WIF1: variants seen among roughly 807,000 people sequenced by gnomAD.
The protein encoded by WIF1 is Wnt inhibitory factor 1.
A neutral mutation model predicts 53.5 loss-of-function variants in WIF1; 35 were observed. The ratio of observed to expected loss-of-function variants is 0.65; its 90% CI spans 0.50 to 0.87. WIF1 has a LOEUF of 0.87. Among genes scored for constraint, WIF1 ranks in the 40% least tolerant of loss-of-function variants. WIF1 has a pLI of 0.00. For synonymous variants in WIF1, 171 were observed against 170.4 expected, an observed-to-expected ratio of 1.00 and a Z score of -0.03; for missense variants, 467 against 476.8, an observed-to-expected ratio of 0.98 and a Z score of 0.19.
At chr12:65,120,336 C>A in intron 2 of WIF1, 81 bp downstream of exon 2, 1 of 1,348,450 alleles carries the variant, frequency 7.4e-7, no homozygotes, top group East Asian at 2.5e-5. Flanking sequence ...GTAAAATGTA[C>A]CAGGCTACAC....
chr12:65,108,853 A>C (rs986135724), intron 2 of WIF1, among the ~76,000 whole-genome samples: 1 of 152,172 alleles, frequency 6.6e-6, no homozygotes, highest in Non-Finnish European at 1.5e-5. Context: ...TGAAATGCTA[A>C]CTTGTCCCTT....
rs769421121 is a variant in WIF1, at chr12:65,120,429, T to G, written c.276A>C (p.Gln92His). Residue 92 changes from glutamine (Q) to histidine (H), a missense_variant, in exon 2 of 10, where the codon CAA (glutamine) becomes CAC (histidine). By Grantham distance (24) the Gln-to-His change is conservative (BLOSUM62 0). Transcript: ENST00000286574. ...VNIHSMNFTW[Q>H]AAGQAEYFYE... The stretch of plus-strand genomic sequence containing the variant: ...TCTCAGAACTTACCTGCCCTGCAGC[T>G]TGCCAGGTAAAATTCATGGAATGGA... 5 of 1,613,198 alleles carry G rather than the reference T, an allele frequency of 3.1e-6. No homozygotes were observed. In the African/African-American group the frequency reaches 6.7e-5, roughly 22 times the overall value.
intron 2 of WIF1, among the ~76,000 whole-genome samples, chr12:65,117,362 G>T (rs1478298874): frequency 6.6e-6 from 1 of 152,150 alleles, no homozygotes; most frequent in Admixed American, 6.5e-5. Context: ...ACTTTTAAAA[G>T]ATCTGACGAA....
intron 3 of WIF1, among the ~76,000 whole-genome samples, chr12:65,071,061 C>A (rs1882764653): frequency 6.6e-6 from 1 of 151,366 alleles, no homozygotes; most frequent in Non-Finnish European, 1.5e-5. Context: ...CATGGTGAAA[C>A]CCGTGTCTAC....
intron 2 of WIF1, among the ~76,000 whole-genome samples, chr12:65,092,436 GTATATATATATGTA>G: frequency 6.7e-6 from 1 of 149,422 alleles, no homozygotes; most frequent in East Asian, 2.0e-4. Flanking sequence ...ATATATATGT[GTATATATATATGTA>G]TATATATACA....
At chr12:65,072,481 T>A (rs545219484) in intron 3 of WIF1, among the ~76,000 whole-genome samples, 1 of 152,338 alleles carries the variant, frequency 6.6e-6, no homozygotes, top group East Asian at 1.9e-4. Context: ...AAGAACTATA[T>A]CTTGTTTTTG....
Position 65,062,510 on chromosome 12 carries a change from G to A in WIF1, c.797C>T (p.Pro266Leu). 2 of 1,608,210 alleles carry A rather than the reference G, an allele frequency of 1.2e-6. No homozygotes were observed. The highest frequency in any genetic ancestry group is 1.7e-6 in the Non-Finnish European group (2 of 1,176,760). The change falls in exon 7 of 10, where the codon CCA becomes CTA. Residue 266 changes from proline to leucine, a missense_variant. Coordinates refer to ENST00000286574, the MANE Select transcript of WIF1 (RefSeq NM_007191.5). ...CFYPGKCICP[P>L]GLEGEQCEIS... ...TTCACACTGCTCTCCCTCTAGTCCT[G>A]GAGGGCAAATACATTTTCCAGGGTA...
intron 3 of WIF1, among the ~76,000 whole-genome samples, chr12:65,076,056 T>C (rs1279170660): frequency 1.3e-4 from 20 of 152,170 alleles, no homozygotes; most frequent in Admixed American, 1.3e-3. Flanking sequence ...TGAGACTGAC[T>C]TTTTTCTTTT....
In WIF1 at chr12:65,051,172, A is replaced by G; in HGVS notation, c.*177T>C. On this transcript the variant is annotated 3_prime_UTR_variant, in exon 10 of 10. Coordinates refer to ENST00000286574, the MANE Select transcript of WIF1 (RefSeq NM_007191.5). ...GAAAATCTATACCATCATGCTACAG[A>G]CGTACTTAGAAAACTTAAAAGGAAG... 1.4e-6 allele frequency: 1 copy of G among 707,662 alleles called. No individual in the cohort carries two copies. The highest frequency in any genetic ancestry group is 2.1e-6 in the Non-Finnish European group (1 of 473,488). 43.8% of individuals were successfully genotyped at this position (707,662 alleles called of 1,614,324 possible). A position where few individuals can be genotyped will look rare whatever the true frequency, so the allele number is the denominator to read the frequency against.
chr12:65,090,670 C>G (rs981944647), intron 2 of WIF1, among the ~76,000 whole-genome samples: 2 of 152,098 alleles, frequency 1.3e-5, no homozygotes, highest in African/African-American at 4.8e-5. Context: ...GAGGAAAGAT[C>G]AGTTGCGTAA....
At chr12:65,097,107 T>G (rs1344737263) in intron 2 of WIF1, among the ~76,000 whole-genome samples, 1 of 151,362 alleles carries the variant, frequency 6.6e-6, no homozygotes, top group Admixed American at 6.6e-5. Flanking sequence ...TCATGATTTG[T>G]GTGGATGTAT....
chr12:65,120,801 G>C (rs1883597269), intron 1 of WIF1: 2 of 782,616 alleles, frequency 2.6e-6, no homozygotes, highest in South Asian at 5.4e-5. Context: ...AAAAATGCCG[G>C]GTGCACCTAA....
At chr12:65,088,773 C>T (rs1225794449) in intron 2 of WIF1, among the ~76,000 whole-genome samples, 4 of 151,966 alleles carry the variant, frequency 2.6e-5, no homozygotes, top group African/African-American at 9.7e-5. Context: ...CCTTCACATG[C>T]TCTTCTCTCT....
rs117778996 is a variant in WIF1, at chr12:65,080,378, G to A, written c.289-2524C>T. 1.5e-3 allele frequency among the ~76,000 whole-genome samples: 232 copies of A among 152,188 alleles called. 6 individuals are homozygous for A. In the East Asian group the frequency reaches 0.04, roughly 26 times the overall value. On this transcript the variant is annotated intron_variant, in intron 2 of 9. Coordinates refer to ENST00000286574, the MANE Select transcript of WIF1 (RefSeq NM_007191.5). Reference sequence around the variant, plus strand: ...CTTACCCTGTTTAAGGGAAGGCAGAGGTTTATAAGAAGTCTGATGAAAGGA... The same window carrying A: ...CTTACCCTGTTTAAGGGAAGGCAGAAGTTTATAAGAAGTCTGATGAAAGGA...
rs549270757 is a variant in WIF1 at position 65,070,349 on chromosome 12, T to C, written c.398-1445A>G. ...GAAATAAAAAGAAAAAACAAAATTG[T>C]GTCTAAAGTTCTAAAGTAAAATTGT... On this transcript the variant is annotated intron_variant, in intron 3 of 9. Transcript: ENST00000286574. Among the ~76,000 whole-genome samples the C allele has an allele frequency of 2.0e-5, 3 of 152,258 alleles. No homozygotes were observed. In the South Asian group the frequency reaches 6.2e-4, roughly 32 times the overall value.
chr12:65,067,802 A>T lies in WIF1; in HGVS notation c.539-12T>A. On this transcript the variant is annotated splice_polypyrimidine_tract_variant and intron_variant, in intron 4 of 9. Coordinates refer to ENST00000286574, the MANE Select transcript of WIF1 (RefSeq NM_007191.5). ...GCCTGGGCACTCAGCTTCAGCAGAG[A>T]GAAACAAAGCTTATATGGACACCCT... is the stretch of plus-strand genomic sequence containing the variant. The T allele has an allele frequency of 1.2e-6, 2 of 1,612,226 alleles. No individual in the cohort carries two copies. Among genetic ancestry groups the T allele is most frequent in the Non-Finnish European group, 1.7e-6 (2 of 1,178,806 alleles).
intron 7 of WIF1, among the ~76,000 whole-genome samples, chr12:65,056,832 T>C (rs1214054639): frequency 6.6e-6 from 1 of 151,698 alleles, no homozygotes; most frequent in Non-Finnish European, 1.5e-5. Flanking sequence ...GTATTTTTAG[T>C]AGACACAGGG....
At chr12:65,061,141 A>C (rs760350997) in intron 7 of WIF1, among the ~76,000 whole-genome samples, 1 of 152,218 alleles carries the variant, frequency 6.6e-6, no homozygotes, top group African/African-American at 2.4e-5. Context: ...AACCACACCC[A>C]GACAATTAAT....
At chr12:65,086,270 G>C (rs1445959632) in intron 2 of WIF1, among the ~76,000 whole-genome samples, 1 of 152,062 alleles carries the variant, frequency 6.6e-6, no homozygotes, top group Non-Finnish European at 1.5e-5. Context: ...CAGCAGTGGG[G>C]CTTCTGAAAA....
Sources: allele counts gnomAD v4.1 joint callset (sites outside exome capture counted in the v4.1 genomes callset), GRCh38; gene constraint gnomAD v4.1.1; transcripts MANE v1.5; gene names NCBI Gene and HGNC (gene_info 2026-07-23, HGNC 2026-07-21).